Variants in MAST4 observed in about 807,000 individuals in gnomAD.
The protein encoded by MAST4 is microtubule-associated serine/threonine-protein kinase 4.
In MAST4, 89 loss-of-function variants were observed where a neutral mutation model predicts 162.7. The observed-to-expected ratio is 0.55, with a 90% CI of 0.46 to 0.65. The LOEUF is 0.65. MAST4 is among the 30% of genes least tolerant of loss of function. The probability of loss-of-function intolerance (pLI) is 0.00; values close to 1 mark genes in which losing one functional copy is unlikely to be tolerated. For synonymous variants in MAST4, 1,479 were observed against 1,361.1 expected (o/e 1.09, Z -1.91); for missense variants, 3,153 against 3,374.0 (o/e 0.93, Z 1.62).
At chr5:66,819,025 CAT>C (rs1485995151) in intron 3 of MAST4, among the ~76,000 whole-genome samples, 2 of 152,134 alleles carry the variant, frequency 1.3e-5, no homozygotes, top group African/African-American at 4.8e-5. Flanking sequence ...GAGTTAATGT[CAT>C]AGAGAAGGGG....
At chr5:66,690,895 G>A (rs983635551) in intron 1 of MAST4, among the ~76,000 whole-genome samples, 3 of 152,308 alleles carry the variant, frequency 2.0e-5, no homozygotes, top group Middle Eastern at 3.4e-3. Context: ...TAGGTGTCCT[G>A]TGGGGCATTT....
chr5:66,855,969 C>A (rs1417101720), intron 3 of MAST4, among the ~76,000 whole-genome samples: 1 of 152,068 alleles, frequency 6.6e-6, no homozygotes, highest in Admixed American at 6.6e-5. Context: ...TGAGACCAGT[C>A]TGGGCAACAT....
intron 1 of MAST4, among the ~76,000 whole-genome samples, chr5:66,728,877 G>A (rs1197326621): frequency 6.6e-6 from 1 of 152,196 alleles, no homozygotes; most frequent in Non-Finnish European, 1.5e-5. Context: ...AACACCAAAA[G>A]TCTGTCCCTT....
At chr5:66,961,272 T>C (rs2150159092) in intron 4 of MAST4, among the ~76,000 whole-genome samples, 1 of 152,386 alleles carries the variant, frequency 6.6e-6, no homozygotes, top group South Asian at 2.1e-4. Context: ...ATTTAATGTA[T>C]ATAAATTTAA....
intron 1 of MAST4, among the ~76,000 whole-genome samples, chr5:66,682,281 TTAA>T (rs1228809677): frequency 6.6e-6 from 1 of 152,172 alleles, no homozygotes; most frequent in Non-Finnish European, 1.5e-5. Context: ...GGCACTGAGG[TTAA>T]TATCATCAGC....
At chr5:67,007,101 G>A (rs1239083060) in intron 4 of MAST4, among the ~76,000 whole-genome samples, 1 of 152,116 alleles carries the variant, frequency 6.6e-6, no homozygotes, top group Non-Finnish European at 1.5e-5. Context: ...CAGAAGGCTA[G>A]GTATCCTCAT....
At position 67,162,755 on chromosome 5, in the gene MAST4, C is replaced by T. The variant is rs1355967421; in HGVS notation, c.3934C>T (p.Pro1312Ser). The T allele has an allele frequency of 2.5e-6, 4 of 1,613,754 alleles. No homozygotes were observed. The highest frequency in any genetic ancestry group is 3.4e-6 in the Non-Finnish European group (4 of 1,179,886). The change falls in exon 28 of 29, where the codon CCA becomes TCA. Residue 1312 changes from proline (P) to serine (S), a missense_variant. Coordinates refer to ENST00000403625, the MANE Select transcript of MAST4 (RefSeq NM_001164664.2). The stretch of plus-strand genomic sequence containing the variant: ...TAGCTTGTCTCCCCGGTCTCCAACA[C>T]CAAGCTACCGCTCCACCCCTGACTT... Reference protein sequence around the residue: ...THSLSPRSPTPSYRSTPDFPS... With the variant: ...THSLSPRSPTSSYRSTPDFPS...
At chr5:66,809,098 C>G (rs1183782969) in intron 3 of MAST4, among the ~76,000 whole-genome samples, 1 of 152,214 alleles carries the variant, frequency 6.6e-6, no homozygotes, top group Non-Finnish European at 1.5e-5. Flanking sequence ...GTATACATCT[C>G]CTGCATTCTA....
intron 1 of MAST4, among the ~76,000 whole-genome samples, chr5:66,697,444 G>A (rs1264797235): frequency 2.0e-5 from 3 of 152,196 alleles, no homozygotes; most frequent in Non-Finnish European, 4.4e-5. Context: ...TAACCTTTAA[G>A]AAACTAGTAC....
At chr5:66,863,169 G>T (rs1015007461) in intron 3 of MAST4, among the ~76,000 whole-genome samples, 1 of 152,206 alleles carries the variant, frequency 6.6e-6, no homozygotes, top group Non-Finnish European at 1.5e-5. Flanking sequence ...CCAGTGATTA[G>T]ATATGTGGGC....
intron 1 of MAST4, among the ~76,000 whole-genome samples, chr5:66,677,268 T>C (rs1003186380): frequency 2.6e-5 from 4 of 152,236 alleles, no homozygotes; most frequent in African/African-American, 9.6e-5. Context: ...TAGAAAATTA[T>C]ACCCTTGTAA....
intron 5 of MAST4, among the ~76,000 whole-genome samples, chr5:67,084,175 A>T (rs754608086): frequency 2.0e-5 from 3 of 152,182 alleles, no homozygotes; most frequent in Non-Finnish European, 2.9e-5. Flanking sequence ...TCCACGCCCT[A>T]CATGTTTTTC....
intron 4 of MAST4, among the ~76,000 whole-genome samples, chr5:67,033,920 T>A (rs1021494047): frequency 3.9e-5 from 6 of 152,208 alleles, no homozygotes; most frequent in Non-Finnish European, 8.8e-5. Context: ...ATAGATTTTT[T>A]AACTCTTATT....
chr5:67,102,366 A>G (rs1765123658), intron 8 of MAST4, 170 bp from the exon 9 acceptor site: 1 of 680,662 alleles, frequency 1.5e-6, no homozygotes, highest in Non-Finnish European at 2.7e-6. Context: ...TGTTTATGGG[A>G]ATGTATGTGT....
chr5:66,900,530 A>G (rs369245193), intron 4 of MAST4, among the ~76,000 whole-genome samples: 3 of 152,098 alleles, frequency 2.0e-5, no homozygotes, highest in African/African-American at 7.2e-5. Context: ...TTTAAGGCCA[A>G]TAATATATTT....
rs577710640 is a variant in MAST4 at position 66,929,806 on chromosome 5, A to C, written c.674+29824A>C. ...AGCTGTATTGGTCCATGAAATAAAC[A>C]TGAAGGTAGACTCTACATGCTAAGG... On this transcript the variant is annotated intron_variant, in intron 4 of 28. Transcript: ENST00000403625. 3.3e-5 allele frequency among the ~76,000 whole-genome samples: 5 copies of C among 152,324 alleles called. No individual in the cohort carries two copies. In the South Asian group the frequency reaches 1.0e-3, roughly 32 times the overall value.
chr5:66,746,525 T>C (rs140028257), intron 1 of MAST4, among the ~76,000 whole-genome samples: 1 of 152,228 alleles, frequency 6.6e-6, no homozygotes, highest in Non-Finnish European at 1.5e-5. Flanking sequence ...GTAGGGAGTC[T>C]ACTTTCTCTC....
At position 67,165,887 on chromosome 5, in the gene MAST4, CAG is replaced by C. The variant is rs1773874793; in HGVS notation, c.6713_6714del (p.Glu2238GlyfsTer6). 6.2e-7 allele frequency: 1 copy of C among 1,613,386 alleles called. No homozygotes were observed. Among genetic ancestry groups the C allele is most frequent in the Non-Finnish European group, 8.5e-7 (1 of 1,179,890 alleles). On this transcript the variant is annotated frameshift_variant, in exon 29 of 29. Transcript: ENST00000403625. LOFTEE classifies it low-confidence loss of function (END_TRUNC). ...PATQSLGGSS[R>X]EGKGHSKSGP... ...CCACTCAGTCCCTCGGTGGCTCTAG[CAG>C]AGAGGGGAAGGGCCACAGTAAGAGT... is the stretch of plus-strand genomic sequence containing the variant.
At chr5:66,757,326 C>T (rs1303278998) in intron 1 of MAST4, among the ~76,000 whole-genome samples, 16 of 152,148 alleles carry the variant, frequency 1.1e-4, no homozygotes, top group Non-Finnish European at 2.9e-5. Context: ...TGTTTGATTG[C>T]TTCACAGGGT....
Sources: allele counts gnomAD v4.1 joint callset (sites outside exome capture counted in the v4.1 genomes callset), GRCh38; gene constraint gnomAD v4.1.1; transcripts MANE v1.5; gene names NCBI Gene and HGNC (gene_info 2026-07-23, HGNC 2026-07-21).